The following CEP63 variants were observed in gnomAD, a reference collection of about 807,000 sequenced individuals.
CEP63 encodes centrosomal protein of 63 kDa.
Under a neutral mutation model 89.1 loss-of-function variants are expected in CEP63, and 84 were observed. The observed-to-expected ratio is 0.94, with a 90% CI of 0.79 to 1.13. The LOEUF is 1.13. CEP63 is among the 50% of genes most tolerant of loss of function. The pLI is 0.00. For missense variants in CEP63, 838 were observed against 813.3 expected (o/e 1.03, Z -0.37); for synonymous variants, 267 against 272.5 (o/e 0.98, Z 0.20).
chr3:134,499,645 G>A (rs1453853227), intron 2 of CEP63, among the ~76,000 whole-genome samples: 1 of 151,896 alleles, frequency 6.6e-6, no homozygotes, highest in Non-Finnish European at 1.5e-5. Context: ...AGATTCAGGG[G>A]TACATGTGCT....
At chr3:134,488,908 A>G (rs1370516623) in intron 1 of CEP63, among the ~76,000 whole-genome samples, 4 of 152,174 alleles carry the variant, frequency 2.6e-5, no homozygotes, top group Non-Finnish European at 4.4e-5. Context: ...CTGTAATCCC[A>G]GCACTTTGGG....
the CEP63 span, among the ~76,000 whole-genome samples, chr3:134,673,336 C>T: frequency 6.6e-6 from 1 of 152,260 alleles, no homozygotes; most frequent in Middle Eastern, 3.4e-3. Flanking sequence ...CATATAGAAG[C>T]CATTGGACTT....
the CEP63 span, among the ~76,000 whole-genome samples, chr3:134,719,351 T>C: frequency 6.6e-6 from 1 of 152,134 alleles, no homozygotes; most frequent in African/African-American, 2.4e-5. Flanking sequence ...AATTAGAATC[T>C]GCATTTTAAC....
the CEP63 span, among the ~76,000 whole-genome samples, chr3:134,701,331 C>CGTAT: frequency 1.2e-4 from 1 of 8,198 alleles, no homozygotes; most frequent in African/African-American, 5.2e-4. Flanking sequence ...TATACATATA[C>CGTAT]ACACACATAT....
chr3:134,736,002 T>C, the CEP63 span, among the ~76,000 whole-genome samples: 2 of 151,958 alleles, frequency 1.3e-5, no homozygotes, highest in East Asian at 3.9e-4. Flanking sequence ...AGAAAATAGG[T>C]TGAAAATTTA....
chr3:134,486,450 A>C, intron 1 of CEP63: 1 of 985,496 alleles, frequency 1.0e-6, no homozygotes, highest in Non-Finnish European at 1.2e-6. Context: ...TGCCCTGCAC[A>C]CTGGCGGAGT....
the CEP63 span, among the ~76,000 whole-genome samples, chr3:134,712,546 G>A: frequency 6.7e-3 from 1,012 of 151,848 alleles, 7 homozygotes; most frequent in Non-Finnish European, 0.011. Context: ...ATTTGCATAT[G>A]AAACATTTTC....
chr3:134,729,475 TA>T, the CEP63 span, among the ~76,000 whole-genome samples: 1 of 152,248 alleles, frequency 6.6e-6, no homozygotes, highest in African/African-American at 2.4e-5. Context: ...GCGAGTGTTG[TA>T]ATCTGGCTTA....
chr3:134,526,394 A>G (rs1948644927), intron 3 of CEP63, among the ~76,000 whole-genome samples: 1 of 151,828 alleles, frequency 6.6e-6, no homozygotes, highest in African/African-American at 2.4e-5. Context: ...CTGTTTTGCT[A>G]TTATTACTTG....
At chr3:134,600,216 G>C in the CEP63 span, among the ~76,000 whole-genome samples, 1 of 152,204 alleles carries the variant, frequency 6.6e-6, no homozygotes, top group Admixed American at 6.5e-5. Context: ...GGAATTAATT[G>C]GTTTGGAGAG....
chr3:134,723,604 G>T, the CEP63 span, among the ~76,000 whole-genome samples: 1 of 152,230 alleles, frequency 6.6e-6, no homozygotes, highest in Non-Finnish European at 1.5e-5. Context: ...AGCTGTGCAT[G>T]TGGGATTTCA....
At chr3:134,746,644 T>C in the CEP63 span, among the ~76,000 whole-genome samples, 1 of 152,242 alleles carries the variant, frequency 6.6e-6, no homozygotes, top group Non-Finnish European at 1.5e-5. Context: ...GGTATCTCAT[T>C]GTGGTTTTGA....
Position 134,564,891 on chromosome 3 carries a change from A to G in CEP63, c.*3356A>G. 1.0e-6 allele frequency: 1 copy of G among 985,040 alleles called. No individual in the cohort carries two copies. Among genetic ancestry groups the G allele is most frequent in the Non-Finnish European group, 1.2e-6 (1 of 829,554 alleles). 61.0% of individuals were successfully genotyped at this position (985,040 alleles called of 1,614,324 possible). A position where few individuals can be genotyped will look rare whatever the true frequency, so the allele number is the denominator to read the frequency against. ...CATGAGGTACTATGTATTTCCTTAA[A>G]TTATACTGTTTTTTAAAGCTGAAGT... is the stretch of plus-strand genomic sequence containing the variant. On this transcript the variant is annotated 3_prime_UTR_variant, in exon 15 of 15. Coordinates refer to ENST00000675561, the MANE Select transcript of CEP63 (RefSeq NM_001353108.3).
the CEP63 span, among the ~76,000 whole-genome samples, chr3:134,612,136 GC>G: frequency 2.0e-5 from 3 of 152,158 alleles, no homozygotes; most frequent in Non-Finnish European, 4.4e-5. Context: ...AAGTTTTCTA[GC>G]CCCCGCCCTT....
the CEP63 span, among the ~76,000 whole-genome samples, chr3:134,761,421 G>T: frequency 6.6e-6 from 1 of 152,232 alleles, no homozygotes; most frequent in African/African-American, 2.4e-5. Context: ...TGGAGCCCCG[G>T]ACACCGCCTT....
At chr3:134,603,293 G>A in the CEP63 span, 1 of 295,982 alleles carries the variant, frequency 3.4e-6, no homozygotes. Context: ...ATACGAGAAG[G>A]GGCATCTGGA....
the CEP63 span, among the ~76,000 whole-genome samples, chr3:134,699,772 G>A: frequency 1.3e-5 from 2 of 152,290 alleles, no homozygotes; most frequent in South Asian, 4.1e-4. Context: ...CTGTCATCCT[G>A]GGCTGCAGAC....
chr3:134,719,527 A>T, the CEP63 span, among the ~76,000 whole-genome samples: 1 of 152,200 alleles, frequency 6.6e-6, no homozygotes, highest in Admixed American at 6.5e-5. Flanking sequence ...AATGTTTTTT[A>T]GTATGTGCAC....
chr3:134,620,895 A>C, the CEP63 span: 1 of 1,309,524 alleles, frequency 7.6e-7, no homozygotes, highest in South Asian at 1.2e-5. Context: ...TAGGGCCTCG[A>C]GGAGGGGCTG....
Sources: allele counts gnomAD v4.1 joint callset (sites outside exome capture counted in the v4.1 genomes callset), GRCh38; gene constraint gnomAD v4.1.1; transcripts MANE v1.5; gene names NCBI Gene and HGNC (gene_info 2026-07-23, HGNC 2026-07-21).